The following PCDHA11 variants were observed in gnomAD, a reference collection of about 807,000 sequenced individuals.
The protein encoded by PCDHA11 is protocadherin alpha 11.
A neutral mutation model predicts 70.3 loss-of-function variants in PCDHA11; 61 were observed. The ratio of observed to expected loss-of-function variants is 0.87; its 90% CI spans 0.71 to 1.07. The LOEUF (loss-of-function observed/expected upper bound fraction) is 1.07. Ranked by LOEUF, PCDHA11 falls within the 50% of genes least tolerant of loss-of-function variation. The pLI, the probability that PCDHA11 is intolerant of heterozygous loss-of-function variation, is 0.00. For missense variants in PCDHA11, 1,324 were observed against 1,237.5 expected (o/e 1.07, Z -1.05); for synonymous variants, 633 against 555.1 (o/e 1.14, Z -1.97).
Position 140,884,585 on chromosome 5 carries a change from A to G in PCDHA11, c.2391+13091A>G, listed in dbSNP as rs2060279044. 1.9e-6 allele frequency: 3 copies of G among 1,614,072 alleles called. No individual in the cohort carries two copies. The South Asian group carries it at 3.3e-5, about 18-fold the overall frequency. On this transcript the variant is annotated intron_variant, in intron 1 of 3. Coordinates refer to ENST00000398640, the MANE Select transcript of PCDHA11 (RefSeq NM_018902.5). ...GCATAAGACGGACCTCATGGCCTTC[A>G]GTCCCAGCCTTCCTCCTTGTCTGGG...
At chr5:140,931,260 T>C (rs576177407) in intron 1 of PCDHA11, among the ~76,000 whole-genome samples, 104 of 152,274 alleles carry the variant, frequency 6.8e-4, no homozygotes, top group East Asian at 3.1e-3. Flanking sequence ...GAAATTTCAC[T>C]ATTTATTTCT....
intron 1 of PCDHA11, among the ~76,000 whole-genome samples, chr5:140,918,303 G>C (rs2078625601): frequency 6.6e-6 from 1 of 152,112 alleles, no homozygotes; most frequent in Non-Finnish European, 1.5e-5. Flanking sequence ...AGAATATAGG[G>C]TTTTCTAGGT....
At chr5:140,995,155 A>T (rs2097666869) in intron 3 of PCDHA11, among the ~76,000 whole-genome samples, 2 of 152,194 alleles carry the variant, frequency 1.3e-5, no homozygotes, top group Non-Finnish European at 2.9e-5. Flanking sequence ...CTTTATATAC[A>T]TTATGTTCTT....
chr5:140,966,428 C>T (rs1297076694), intron 1 of PCDHA11: 6 of 423,554 alleles, frequency 1.4e-5, no homozygotes, highest in Non-Finnish European at 1.2e-5. Flanking sequence ...TTGCTGAGCC[C>T]TCCTACCGCT....
Position 141,009,541 on chromosome 5 carries a change from A to G in PCDHA11, c.2540-86A>G. 8 of 1,530,282 alleles carry G rather than the reference A, an allele frequency of 5.2e-6. No homozygotes were observed. The South Asian group carries it at 6.6e-5, about 13-fold the overall frequency. 94.8% of individuals were successfully genotyped at this position (1,530,282 alleles called of 1,614,324 possible). Reference sequence around the variant, plus strand: ...TTTTCTGGGGAGGTTCAGCCTGCCTATGCAGTACTCCTGTACTCTACCAGC... The same window carrying G: ...TTTTCTGGGGAGGTTCAGCCTGCCTGTGCAGTACTCCTGTACTCTACCAGC... On this transcript the variant is annotated intron_variant, in intron 3 of 3. Coordinates refer to ENST00000398640, the MANE Select transcript of PCDHA11 (RefSeq NM_018902.5).
At position 140,884,483 on chromosome 5, in the gene PCDHA11, C is replaced by G. The variant is rs376374275; in HGVS notation, c.2391+12989C>G. The G allele has an allele frequency of 3.7e-6, 6 of 1,613,980 alleles. 1 individual carries two copies. In the South Asian group the frequency reaches 5.5e-5, roughly 15 times the overall value. On this transcript the variant is annotated intron_variant, in intron 1 of 3. Coordinates refer to ENST00000398640, the MANE Select transcript of PCDHA11 (RefSeq NM_018902.5). The stretch of plus-strand genomic sequence containing the variant: ...CGCGTGCGCGCCGGGCAAGCCCACT[C>G]TAGTGTGCTCCAGCGCGGCAGGGAG...
At chr5:140,876,321 G>T (rs2153339560) in intron 1 of PCDHA11, 2 of 1,614,030 alleles carry the variant, frequency 1.2e-6, no homozygotes, top group East Asian at 2.2e-5. Context: ...GGATCAAAAT[G>T]ATTTTGCCAG....
chr5:140,878,420 A>G (rs2057587520), intron 1 of PCDHA11, among the ~76,000 whole-genome samples: 1 of 152,236 alleles, frequency 6.6e-6, no homozygotes, highest in African/African-American at 2.4e-5. Flanking sequence ...TATTTCAAGT[A>G]GGAATAGATA....
intron 3 of PCDHA11, among the ~76,000 whole-genome samples, chr5:140,996,041 C>T (rs2097709262): frequency 6.6e-6 from 1 of 152,224 alleles, no homozygotes; most frequent in African/African-American, 2.4e-5. Context: ...TAGCACTTAA[C>T]ACAGTGCTTG....
At chr5:140,877,811 G>A in intron 1 of PCDHA11, 1 of 1,610,242 alleles carries the variant, frequency 6.2e-7, no homozygotes, top group Non-Finnish European at 8.5e-7. Context: ...CAGCTGTCTC[G>A]AGAAGATTGT....
chr5:140,944,136 G>A (rs536816208), intron 1 of PCDHA11, among the ~76,000 whole-genome samples: 3 of 152,136 alleles, frequency 2.0e-5, no homozygotes, highest in African/African-American at 7.2e-5. Context: ...AAAGGTTGAA[G>A]ATTAGAAGAG....
chr5:140,879,923 G>C (rs2058180033), intron 1 of PCDHA11, among the ~76,000 whole-genome samples: 1 of 152,132 alleles, frequency 6.6e-6, no homozygotes, highest in South Asian at 2.1e-4. Context: ...GTTTTACAAA[G>C]GTACATGTGA....
chr5:140,915,077 C>G (rs2076970768), intron 1 of PCDHA11, among the ~76,000 whole-genome samples: 1 of 151,656 alleles, frequency 6.6e-6, no homozygotes. Flanking sequence ...TACTGAGTAG[C>G]TGGGACTATG....
intron 1 of PCDHA11, among the ~76,000 whole-genome samples, chr5:140,924,825 G>A (rs1282051408): frequency 1.3e-5 from 2 of 151,514 alleles, no homozygotes; most frequent in African/African-American, 4.9e-5. Flanking sequence ...AACCTGGGAG[G>A]GGGAGGTTGC....
chr5:140,994,052 C>T (rs2097593082), intron 3 of PCDHA11, among the ~76,000 whole-genome samples: 1 of 152,134 alleles, frequency 6.6e-6, no homozygotes, highest in African/African-American at 2.4e-5. Context: ...CAGTCCTGCC[C>T]TTATAAATCT....
intron 1 of PCDHA11, among the ~76,000 whole-genome samples, chr5:140,948,536 C>T (rs2094269261): frequency 6.6e-6 from 1 of 151,548 alleles, no homozygotes; most frequent in Admixed American, 6.6e-5. Context: ...TATTTTATTT[C>T]ATGCTCTGTC....
intron 3 of PCDHA11, among the ~76,000 whole-genome samples, chr5:141,004,659 G>C (rs1012907350): frequency 1.3e-5 from 2 of 152,182 alleles, no homozygotes; most frequent in Admixed American, 1.3e-4. Context: ...GGCTCTGAGG[G>C]CAACTAAAGG....
intron 1 of PCDHA11, chr5:140,882,281 T>C (rs1554173360): frequency 6.2e-7 from 1 of 1,612,634 alleles, no homozygotes; most frequent in African/African-American, 1.3e-5. Context: ...GCTGTCTTCC[T>C]GGCAAGGAGG....
Position 140,870,073 on chromosome 5 carries a change from A to G in PCDHA11, c.970A>G (p.Lys324Glu). Residue 324 changes from lysine (K) to glutamate (E), a missense_variant, in exon 1 of 4, where the codon AAG (lysine) becomes GAG (glutamate). Physicochemically the swap from Lys to Glu is moderately conservative, Grantham distance 56. Coordinates refer to ENST00000398640, the MANE Select transcript of PCDHA11 (RefSeq NM_018902.5). ...TAAAATTGAAGTACAGGCTACAGAT[A>G]AGGGGACTCCCCCAATGGCAGGTCA... is the stretch of plus-strand genomic sequence containing the variant. ...FYKIEVQATD[K>E]GTPPMAGHCT... The G allele has an allele frequency of 6.2e-7, 1 of 1,613,872 alleles. No homozygotes were observed.
Sources: gnomAD v4.1 joint callset for allele counts (sites outside exome capture counted in the v4.1 genomes callset) on GRCh38, gnomAD v4.1.1 for gene constraint, MANE v1.5 for transcripts, NCBI Gene and HGNC (gene_info 2026-07-23, HGNC 2026-07-21) for gene names.